Variants in BNC2 observed in about 807,000 individuals in gnomAD.
The protein encoded by BNC2 is zinc finger protein basonuclin-2.
Under a neutral mutation model 76.3 loss-of-function variants are expected in BNC2, and 20 were observed. The observed-to-expected ratio is 0.26, with a 90% CI of 0.18 to 0.38. The LOEUF (loss-of-function observed/expected upper bound fraction) is 0.38. BNC2 is among the 10% of genes least tolerant of loss of function. The pLI is 1.00. For missense variants in BNC2, 1,382 were observed against 1,399.8 expected (o/e 0.99, Z 0.20); for synonymous variants, 582 against 514.8 (o/e 1.13, Z -1.77).
chr9:16,467,847 A>T (rs1284305040), intron 5 of BNC2, among the ~76,000 whole-genome samples: 94 of 115,494 alleles, frequency 8.1e-4, no homozygotes, highest in African/African-American at 4.8e-3. Context: ...AAAAAAAATT[A>T]AAAAAAAAAA....
intron 5 of BNC2, among the ~76,000 whole-genome samples, chr9:16,535,950 G>T (rs1818118293): frequency 6.6e-6 from 1 of 152,066 alleles, no homozygotes; most frequent in African/African-American, 2.4e-5. Flanking sequence ...AAATTGCCCA[G>T]TTATCTCCAC....
At chr9:16,499,890 A>G (rs551699055) in intron 5 of BNC2, among the ~76,000 whole-genome samples, 4 of 151,986 alleles carry the variant, frequency 2.6e-5, no homozygotes, top group East Asian at 3.9e-4. Context: ...AATATGATCA[A>G]TCTTCATTCT....
chr9:16,683,868 A>T (rs1038752840), intron 3 of BNC2, among the ~76,000 whole-genome samples: 5 of 152,180 alleles, frequency 3.3e-5, no homozygotes, highest in African/African-American at 1.2e-4. Context: ...AACAGATTCA[A>T]TCCTTCCACG....
chr9:16,814,004 T>G (rs2135880985), intron 1 of BNC2, among the ~76,000 whole-genome samples: 1 of 152,250 alleles, frequency 6.6e-6, no homozygotes, highest in African/African-American at 2.4e-5. Context: ...ACTAAAAGGA[T>G]TTGGCTTGTC....
chr9:16,701,306 T>C (rs1436225301), intron 3 of BNC2, among the ~76,000 whole-genome samples: 1 of 152,208 alleles, frequency 6.6e-6, no homozygotes, highest in Non-Finnish European at 1.5e-5. Context: ...AAATGATATA[T>C]GAAGAATGCA....
intron 1 of BNC2, among the ~76,000 whole-genome samples, chr9:16,845,128 C>G (rs962020282): frequency 1.3e-5 from 2 of 152,188 alleles, no homozygotes; most frequent in African/African-American, 4.8e-5. Context: ...CCTTCCCAGG[C>G]ACTGCCAGGA....
At chr9:16,861,181 A>AACATATATAT (rs1287136917) in intron 1 of BNC2, among the ~76,000 whole-genome samples, 1 of 131,766 alleles carries the variant, frequency 7.6e-6, no homozygotes, top group African/African-American at 3.1e-5. Flanking sequence ...ATCTCTACAA[A>AACATATATAT]ATATATATAT....
At chr9:16,736,937 G>C (rs1174185733) in intron 2 of BNC2, among the ~76,000 whole-genome samples, 2 of 151,918 alleles carry the variant, frequency 1.3e-5, no homozygotes, top group African/African-American at 2.4e-5. Flanking sequence ...CTCCCGAGTA[G>C]CTGGGATTAC....
rs193156824 is a variant in BNC2 at position 16,796,413 on chromosome 9, T to G, written c.4-57928A>C. ...TTAAAACATTTGAAATAGTACATAT[T>G]TAATGAAGAAGTCTCAGGAAGCAAG... On this transcript the variant is annotated intron_variant, in intron 1 of 6. Transcript: ENST00000380672. 7.2e-5 allele frequency among the ~76,000 whole-genome samples: 11 copies of G among 152,264 alleles called. No individual in the cohort carries two copies. In the East Asian group the frequency reaches 2.1e-3, roughly 29 times the overall value.
At chr9:16,708,156 T>C (rs779693554) in intron 3 of BNC2, among the ~76,000 whole-genome samples, 4 of 152,218 alleles carry the variant, frequency 2.6e-5, no homozygotes, top group Non-Finnish European at 2.9e-5. Flanking sequence ...CAGAGTTTTG[T>C]AGAAATGTTA....
At chr9:16,431,291 T>A (rs1820903128) in intron 6 of BNC2, 1 of 236,010 alleles carries the variant, frequency 4.2e-6, no homozygotes, top group Non-Finnish European at 9.4e-6. Context: ...AAAAACCAAA[T>A]GCAACTTATA....
chr9:16,600,872 C>T (rs2133296389), intron 3 of BNC2, among the ~76,000 whole-genome samples: 2 of 152,226 alleles, frequency 1.3e-5, no homozygotes, highest in South Asian at 4.1e-4. Flanking sequence ...AGGTGTCCTA[C>T]CTTTCATCTG....
At chr9:16,697,580 G>A (rs1476669013) in intron 3 of BNC2, among the ~76,000 whole-genome samples, 1 of 144,236 alleles carries the variant, frequency 6.9e-6, no homozygotes, top group Admixed American at 7.1e-5. Flanking sequence ...AAAAGGCTGG[G>A]TATGGTGGCA....
rs1017398722 is a variant in BNC2, at chr9:16,759,928, T to G, written c.4-21443A>C. 6.6e-5 allele frequency among the ~76,000 whole-genome samples: 10 copies of G among 152,258 alleles called. 1 individual carries two copies. The highest frequency in any genetic ancestry group is 2.4e-4 in the African/African-American group (10 of 41,556). On this transcript the variant is annotated intron_variant, in intron 1 of 6. Transcript: ENST00000380672. The stretch of plus-strand genomic sequence containing the variant: ...TCAGTAGAGACGGGGTTTCACCGCA[T>G]TAGCCAGGACGGTCTGGATTTCCTG...
At chr9:16,658,063 T>C (rs866425626) in intron 3 of BNC2, among the ~76,000 whole-genome samples, 2 of 152,186 alleles carry the variant, frequency 1.3e-5, no homozygotes, top group South Asian at 4.1e-4. Flanking sequence ...ATGGCATCCA[T>C]AGCACTCAGA....
Position 16,436,299 on chromosome 9 carries a change from T to C in BNC2, c.1895A>G (p.Lys632Arg). Residue 632 changes from lysine to arginine, a missense_variant, in exon 6 of 7, where the codon AAG becomes AGG. Around this residue, in one of 3 missense-constraint regions of BNC2, gnomAD observed 798 missense variants for 775.5 expected, o/e 1.03. Transcript: ENST00000380672. ...EPSADLAPKKKPRKSSMPVKI... is the reference protein window; with the variant it reads ...EPSADLAPKKRPRKSSMPVKI... ...CACAGGCATGCTTGACTTCCTGGGC[T>C]TTTTCTTGGGTGCCAGGTCAGCACT... The C allele has an allele frequency of 6.2e-7, 1 of 1,614,126 alleles. No homozygotes were observed. The highest frequency in any genetic ancestry group is 1.7e-5 in the Admixed American group (1 of 60,012).
At chr9:16,773,358 C>T (rs946509535) in intron 1 of BNC2, among the ~76,000 whole-genome samples, 1 of 152,024 alleles carries the variant, frequency 6.6e-6, no homozygotes, top group Non-Finnish European at 1.5e-5. Context: ...AACAAAAAGC[C>T]TTTTTTCCCC....
In BNC2 at chr9:16,436,248, G is replaced by C. The variant is rs1426911448; in HGVS notation, c.1946C>G (p.Thr649Ser). Residue 649 changes from threonine (T) to serine (S), a missense_variant, in exon 6 of 7, where the codon ACC (threonine) becomes AGC (serine). Physicochemically the swap from Thr to Ser is moderately conservative, Grantham distance 58. Around this residue, in one of 3 missense-constraint regions of BNC2, gnomAD observed 798 missense variants for 775.5 expected, o/e 1.03. Transcript: ENST00000380672. ...ATCTTCATCATCAAACTCATCGGCG[G>C]TATCAATAATTTCCTTCTCAATCTT... ...PVKIEKEIID[T>S]ADEFDDEDDD... 6.2e-7 allele frequency: 1 copy of C among 1,614,144 alleles called. No homozygotes were observed. Among genetic ancestry groups the C allele is most frequent in the African/African-American group, 1.3e-5 (1 of 75,038 alleles).
At chr9:16,570,355 A>C (rs1023186286) in intron 4 of BNC2, among the ~76,000 whole-genome samples, 3 of 152,202 alleles carry the variant, frequency 2.0e-5, no homozygotes, top group African/African-American at 7.2e-5. Flanking sequence ...TCCTTCCCCC[A>C]GTAATTCAGG....
Sources: gnomAD v4.1 joint callset for allele counts (sites outside exome capture counted in the v4.1 genomes callset) on GRCh38, gnomAD v4.1.1 for gene constraint, gnomAD v4.1.1 regional missense constraint, MANE v1.5 for transcripts, NCBI Gene and HGNC (gene_info 2026-07-23, HGNC 2026-07-21) for gene names.